The following CPNE5 variants were observed in gnomAD, a reference collection of about 807,000 sequenced individuals.
CPNE5 encodes copine 5.
In CPNE5, 42 loss-of-function variants were observed where a neutral mutation model predicts 81.1. That is an observed-to-expected ratio of 0.52 (90% confidence interval 0.40 to 0.67). The LOEUF (loss-of-function observed/expected upper bound fraction) is 0.67. Among genes scored for constraint, CPNE5 ranks in the 30% least tolerant of loss-of-function variants. CPNE5 has a pLI of 0.00. For missense variants in CPNE5, 612 were observed against 815.5 expected (o/e 0.75, Z 3.04); for synonymous variants, 313 against 321.5 (o/e 0.97, Z 0.28).
At chr6:36,747,020 T>C (rs1416864240) in intron 15 of CPNE5, among the ~76,000 whole-genome samples, 1 of 152,060 alleles carries the variant, frequency 6.6e-6, no homozygotes, top group East Asian at 1.9e-4. Context: ...CTCCTCCCTG[T>C]CACTCGCCAG....
chr6:36,755,300 G>GATGA (rs1765299509), intron 13 of CPNE5: 1 of 152,216 alleles, frequency 6.6e-6, no homozygotes, highest in African/African-American at 2.4e-5. Context: ...ACACAGAGAG[G>GATGA]ATGAATCTGG....
chr6:36,752,261 G>A (rs1764924382), intron 14 of CPNE5, among the ~76,000 whole-genome samples: 1 of 152,160 alleles, frequency 6.6e-6, no homozygotes, highest in Admixed American at 6.5e-5. Flanking sequence ...CCCACGCCCT[G>A]ACCTGGCACC....
At chr6:36,745,246 T>C (rs907758790) in intron 17 of CPNE5, 96 bp from the exon 18 acceptor site, 15 of 1,421,716 alleles carry the variant, frequency 1.1e-5, no homozygotes, top group African/African-American at 9.8e-5. Context: ...GGGTGACAGC[T>C]CTTGGGGGAA....
intron 10 of CPNE5, among the ~76,000 whole-genome samples, chr6:36,770,996 A>G (rs1320145291): frequency 6.6e-6 from 1 of 151,878 alleles, no homozygotes; most frequent in East Asian, 1.9e-4. Context: ...ACGCTGAACC[A>G]TTATCCCTTC....
At chr6:36,747,837 C>T (rs1764351373) in intron 15 of CPNE5, among the ~76,000 whole-genome samples, 2 of 152,240 alleles carry the variant, frequency 1.3e-5, no homozygotes, top group Admixed American at 1.3e-4. Context: ...CCTCCCTGAA[C>T]ACCACAGAGC....
intron 11 of CPNE5, 113 bp from the exon 12 acceptor site, chr6:36,763,105 T>TCC: frequency 1.1e-6 from 1 of 900,572 alleles, no homozygotes; most frequent in Non-Finnish European, 1.8e-6. Flanking sequence ...GGGACTCCAC[T>TCC]CCAGGGGCAC....
chr6:36,809,649 C>T (rs999164215), intron 3 of CPNE5, among the ~76,000 whole-genome samples: 1 of 152,062 alleles, frequency 6.6e-6, no homozygotes, highest in African/African-American at 2.4e-5. Context: ...TGACTTAGGA[C>T]CTGATTTTAG....
At chr6:36,827,310 G>T in intron 1 of CPNE5, 22 of 985,166 alleles carry the variant, frequency 2.2e-5, no homozygotes, top group Non-Finnish European at 2.7e-5. Flanking sequence ...AACCCTCAGA[G>T]CCTGCTAAAC....
chr6:36,822,106 G>A lies in CPNE5; in HGVS notation c.183+8C>T, dbSNP rs1289837823. 1.3e-6 allele frequency: 2 copies of A among 1,535,898 alleles called. No homozygotes were observed. Among genetic ancestry groups the A allele is most frequent in the East Asian group, 2.4e-5 (1 of 41,168 alleles). Reference sequence around the variant, plus strand: ...GGTGTTTCTGGTGTGGGAAGGAGCTGCACCTACCTCCCGCCACTGCTTGTT... The same window carrying A: ...GGTGTTTCTGGTGTGGGAAGGAGCTACACCTACCTCCCGCCACTGCTTGTT... On this transcript the variant is annotated splice_region_variant and intron_variant, in intron 3 of 20. Coordinates refer to ENST00000244751, the MANE Select transcript of CPNE5 (RefSeq NM_020939.2).
chr6:36,799,483 T>C (rs1769908593), intron 4 of CPNE5, among the ~76,000 whole-genome samples: 2 of 152,202 alleles, frequency 1.3e-5, no homozygotes. Flanking sequence ...TGATCTTTAA[T>C]GTCAGGAGAA....
chr6:36,767,705 T>G (rs1766684894), intron 10 of CPNE5, among the ~76,000 whole-genome samples: 1 of 152,252 alleles, frequency 6.6e-6, no homozygotes, highest in Admixed American at 6.5e-5. Context: ...CAGCCCTGCA[T>G]ATCCACAAAA....
At chr6:36,834,712 T>G (rs2150627980) in intron 1 of CPNE5, among the ~76,000 whole-genome samples, 1 of 152,062 alleles carries the variant, frequency 6.6e-6, no homozygotes, top group South Asian at 2.1e-4. Context: ...TAATATGATG[T>G]AAAGTGCCTA....
intron 10 of CPNE5, among the ~76,000 whole-genome samples, chr6:36,767,078 A>C (rs138434100): frequency 6.6e-6 from 1 of 151,832 alleles, no homozygotes; most frequent in Non-Finnish European, 1.5e-5. Flanking sequence ...CTGGCCTCGA[A>C]CTCCTGACCT....
At chr6:36,804,294 G>A (rs1770389492) in intron 3 of CPNE5, among the ~76,000 whole-genome samples, 1 of 152,168 alleles carries the variant, frequency 6.6e-6, no homozygotes, top group Non-Finnish European at 1.5e-5. Flanking sequence ...TATGTGTCAA[G>A]CAATGGAAAG....
intron 8 of CPNE5, among the ~76,000 whole-genome samples, chr6:36,788,058 TCTCA>T (rs374051841): frequency 3.0e-4 from 44 of 146,830 alleles, no homozygotes; most frequent in African/African-American, 1.1e-3. Flanking sequence ...TTTGACAGGG[TCTCA>T]CTCTGTTCCC....
At position 36,823,164 on chromosome 6, in the gene CPNE5, A is replaced by C. The variant is rs1034795993; in HGVS notation, c.96-66T>G. The C allele has an allele frequency of 7.5e-5, 103 of 1,376,502 alleles. 1 individual carries two copies. In the South Asian group the frequency reaches 1.6e-3, roughly 21 times the overall value. 85.3% of individuals were successfully genotyped at this position (1,376,502 alleles called of 1,614,324 possible). Reference sequence around the variant, plus strand: ...GAGAGGAGGCGACCTCAGGGGATTCAGGCTGTTACCGAGACCCAGAGGCTG... The same window carrying C: ...GAGAGGAGGCGACCTCAGGGGATTCCGGCTGTTACCGAGACCCAGAGGCTG... On this transcript the variant is annotated intron_variant, in intron 1 of 20. Transcript: ENST00000244751.
At chr6:36,834,862 C>T (rs111672154) in intron 1 of CPNE5, among the ~76,000 whole-genome samples, 10 of 152,210 alleles carry the variant, frequency 6.6e-5, no homozygotes, top group African/African-American at 2.4e-4. Flanking sequence ...CCCCAGGCTC[C>T]TCCCTCCCCC....
chr6:36,776,850 C>T (rs1489478946), intron 9 of CPNE5, among the ~76,000 whole-genome samples: 2 of 152,160 alleles, frequency 1.3e-5, no homozygotes, highest in East Asian at 1.9e-4. Context: ...TGACCTTCCT[C>T]CTAACTGGGG....
chr6:36,748,592 G>T (rs1251398899), intron 14 of CPNE5, among the ~76,000 whole-genome samples: 4 of 151,664 alleles, frequency 2.6e-5, no homozygotes, highest in African/African-American at 9.7e-5. Context: ...GCTGGGTGAG[G>T]TTGGGTCTCA....
Sources: allele counts gnomAD v4.1 joint callset (sites outside exome capture counted in the v4.1 genomes callset), GRCh38; gene constraint gnomAD v4.1.1; transcripts MANE v1.5; gene names NCBI Gene and HGNC (gene_info 2026-07-23, HGNC 2026-07-21).